The following CD300C variants were observed in gnomAD, a reference collection of about 807,000 sequenced individuals.
The protein encoded by CD300C is CD300c molecule, also known as CMRF35-like molecule 6.
A neutral mutation model predicts 18.4 loss-of-function variants in CD300C; 11 were observed. That is an observed-to-expected ratio of 0.60 (90% CI 0.38 to 0.99). The LOEUF is 0.99. Among genes scored for constraint, CD300C ranks in the 50% least tolerant of loss-of-function variants. CD300C has a pLI of 0.01. For missense variants in CD300C, 277 were observed against 287.4 expected, an observed-to-expected ratio of 0.96 and a Z score of 0.26; for synonymous variants, 116 against 116.3, an observed-to-expected ratio of 1.00 and a Z score of 0.02.
chr17:74,540,054 G>T (rs1598136539), downstream of CD300C, among the ~76,000 whole-genome samples: 1 of 152,336 alleles, frequency 6.6e-6, no homozygotes, highest in Admixed American at 6.5e-5. Flanking sequence ...ATCCAGCTCA[G>T]GCTGGGGAGG....
chr17:74,539,214 T>C (rs1409043616), downstream of CD300C, among the ~76,000 whole-genome samples: 1 of 152,192 alleles, frequency 6.6e-6, no homozygotes, highest in Non-Finnish European at 1.5e-5. Flanking sequence ...CAGGGGAATC[T>C]TGGTGGACCT....
chr17:74,542,495 G>A (rs951991226), intron 3 of CD300C, among the ~76,000 whole-genome samples: 1 of 152,142 alleles, frequency 6.6e-6, no homozygotes, highest in Non-Finnish European at 1.5e-5. Flanking sequence ...ACCCTCTTCT[G>A]ATCATCGTCA....
rs753467876 is a variant in CD300C, at chr17:74,545,770, C to T, written c.13G>A (p.Ala5Thr). 6.2e-7 allele frequency: 1 copy of T among 1,608,494 alleles called. No individual in the cohort carries two copies. The highest frequency in any genetic ancestry group is 2.2e-5 in the East Asian group (1 of 44,728). The change falls in exon 1 of 4, where the codon GCC becomes ACC. Residue 5 changes from alanine to threonine, a missense_variant. Ala to Thr is a moderately conservative substitution (Grantham distance 58, BLOSUM62 0). Coordinates refer to ENST00000330793, the MANE Select transcript of CD300C (RefSeq NM_006678.5). ...GCTGAAGACCGCCACGAGGCCCAGGCCCTGGCAGTCATTCCTGTAACACGA... is the reference window on the plus strand; with the variant it reads ...GCTGAAGACCGCCACGAGGCCCAGGTCCTGGCAGTCATTCCTGTAACACGA... MTARAWASWRSSALL... is the reference protein window; with the variant it reads MTARTWASWRSSALL...
downstream of CD300C, among the ~76,000 whole-genome samples, chr17:74,540,430 G>A (rs188641721): frequency 1.4e-3 from 218 of 152,054 alleles, 1 homozygote; most frequent in Middle Eastern, 3.4e-3. Flanking sequence ...CTGGAATATG[G>A]GCTCAGTGTA....
At chr17:74,543,961 G>T (rs1434047414) in intron 2 of CD300C, among the ~76,000 whole-genome samples, 1 of 152,144 alleles carries the variant, frequency 6.6e-6, no homozygotes, top group Non-Finnish European at 1.5e-5. Flanking sequence ...CAGCCTCAGG[G>T]GCAGGATGTG....
chr17:74,542,782 G>A, intron 3 of CD300C, 79 bp downstream of exon 3: 1 of 1,483,812 alleles, frequency 6.7e-7, no homozygotes, highest in Non-Finnish European at 9.1e-7. Context: ...ACTGGAAGAA[G>A]GGACATCCGA....
At chr17:74,536,344 T>A (rs1435530089), downstream of CD300C, among the ~76,000 whole-genome samples, 1 of 151,900 alleles carries the variant, frequency 6.6e-6, no homozygotes, top group Non-Finnish European at 1.5e-5. Flanking sequence ...CCATCCTGGC[T>A]AACATGGTGA....
At position 74,541,491 on chromosome 17, in the gene CD300C, G is replaced by T; in HGVS notation, c.*98C>A. 1.3e-6 allele frequency: 1 copy of T among 796,964 alleles called. No individual in the cohort carries two copies. 49.4% of individuals were successfully genotyped at this position (796,964 alleles called of 1,614,324 possible). Reference sequence around the variant, plus strand: ...AGGAGGCTCACAAAGGATTCCAGGAGATGTGGAGAGAGCAGCCCGGGAGGG... The same window carrying T: ...AGGAGGCTCACAAAGGATTCCAGGATATGTGGAGAGAGCAGCCCGGGAGGG... On this transcript the variant is annotated 3_prime_UTR_variant, in exon 4 of 4. Transcript: ENST00000330793.
chr17:74,542,838 A>C, intron 3 of CD300C, 23 bp downstream of exon 3: 1 of 1,597,700 alleles, frequency 6.3e-7, no homozygotes, highest in South Asian at 1.1e-5. Context: ...AGCGTGGCCC[A>C]GTCCTATGCG....
chr17:74,544,413 C>T (rs1224971686), intron 2 of CD300C, among the ~76,000 whole-genome samples, 196 bp downstream of exon 2: 5 of 86,376 alleles, frequency 5.8e-5, no homozygotes, highest in African/African-American at 4.0e-4. Context: ...TGCACACACA[C>T]ACAAACCACA....
rs778044136 is a variant in CD300C at position 74,544,633 on chromosome 17, C to T, written c.376G>A (p.Glu126Lys). The T allele has an allele frequency of 8.7e-6, 14 of 1,612,668 alleles. No individual in the cohort carries two copies. The highest frequency in any genetic ancestry group is 1.2e-5 in the Non-Finnish European group (14 of 1,178,866). Reference sequence around the variant, plus strand: ...CCCGGGAACACGGACACCTCAACCTCGACAATGGGATCATGAAAGTCTCGG... The same window carrying T: ...CCCGGGAACACGGACACCTCAACCTTGACAATGGGATCATGAAAGTCTCGG... ...WLRDFHDPIV[E>K]VEVSVFPAGT... The change falls in exon 2 of 4, where the codon GAG becomes AAG. Residue 126 changes from glutamate (E) to lysine (K), a missense_variant. Coordinates refer to ENST00000330793, the MANE Select transcript of CD300C (RefSeq NM_006678.5).
Position 74,544,949 on chromosome 17 carries a change from T to G in CD300C, c.62-2A>C, listed in dbSNP as rs776831962. The G allele has an allele frequency of 5.0e-6, 8 of 1,602,634 alleles. No individual in the cohort carries two copies. In the Admixed American group the frequency reaches 1.3e-4, roughly 27 times the overall value. On this transcript the variant is annotated splice_acceptor_variant, in intron 1 of 3. Coordinates refer to ENST00000330793, the MANE Select transcript of CD300C (RefSeq NM_006678.5). LOFTEE classifies it high-confidence loss of function. ...TGGGGTGGCTCAGAGGAAAATAGCC[T>G]GAAAAATACAAGCCAAAATCCTGTC...
At chr17:74,534,842 C>G in the CD300C span, among the ~76,000 whole-genome samples, 1 of 152,158 alleles carries the variant, frequency 6.6e-6, no homozygotes, top group African/African-American at 2.4e-5. Flanking sequence ...TCATGATAAA[C>G]TAGGAATTAA....
At position 74,544,580 on chromosome 17, in the gene CD300C, G is replaced by T. The variant is rs1017705752; in HGVS notation, c.400+29C>A. 13 of 1,591,692 alleles carry T rather than the reference G, an allele frequency of 8.2e-6. No homozygotes were observed. In the African/African-American group the frequency reaches 1.2e-4, roughly 15 times the overall value. On this transcript the variant is annotated intron_variant, in intron 2 of 3. Coordinates refer to ENST00000330793, the MANE Select transcript of CD300C (RefSeq NM_006678.5). ...AATGACCAGCCCTAGGCTCAGGCAG[G>T]CCTGGTGCTGAGAAAAGGAGGGGCT...
At chr17:74,539,038 G>C (rs889114258), downstream of CD300C, among the ~76,000 whole-genome samples, 3 of 152,220 alleles carry the variant, frequency 2.0e-5, no homozygotes, top group Middle Eastern at 3.2e-3. Context: ...AGGGCAAGGA[G>C]GCTAGTCAGA....
At chr17:74,545,334 ATG>A (rs969857213) in intron 1 of CD300C, among the ~76,000 whole-genome samples, 7 of 139,642 alleles carry the variant, frequency 5.0e-5, no homozygotes, top group African/African-American at 1.3e-4. Context: ...GACTGTGTGC[ATG>A]TGTGTGTGAG....
intron 2 of CD300C, among the ~76,000 whole-genome samples, chr17:74,543,604 C>T (rs902427385): frequency 1.3e-5 from 2 of 152,160 alleles, no homozygotes; most frequent in African/African-American, 4.8e-5. Context: ...CTCCCTGGCG[C>T]CCTCAGGTGG....
downstream of CD300C, among the ~76,000 whole-genome samples, chr17:74,538,317 G>T (rs999433881): frequency 1.3e-5 from 2 of 152,152 alleles, no homozygotes; most frequent in African/African-American, 4.8e-5. Flanking sequence ...CCACAGGACA[G>T]CCCCCAGCTT....
At chr17:74,537,213 GAGAA>G (rs1908407763), downstream of CD300C, among the ~76,000 whole-genome samples, 2 of 152,114 alleles carry the variant, frequency 1.3e-5, no homozygotes, top group Non-Finnish European at 1.5e-5. Flanking sequence ...GCACAAAAAA[GAGAA>G]AGAAAAGAAA....
Sources: gnomAD v4.1 joint callset for allele counts (sites outside exome capture counted in the v4.1 genomes callset) on GRCh38, gnomAD v4.1.1 for gene constraint, MANE v1.5 for transcripts, NCBI Gene and HGNC (gene_info 2026-07-23, HGNC 2026-07-21) for gene names.